Variants in BEGAIN observed in about 807,000 individuals in gnomAD.
BEGAIN encodes brain-enriched guanylate kinase-associated protein.
Under a neutral mutation model 35.8 loss-of-function variants are expected in BEGAIN, and 19 were observed. The ratio of observed to expected loss-of-function variants is 0.53; its 90% CI spans 0.37 to 0.78. The LOEUF (loss-of-function observed/expected upper bound fraction) is 0.78. Among genes scored for constraint, BEGAIN ranks in the 30% least tolerant of loss-of-function variants. The pLI is 0.00. For missense variants in BEGAIN, 795 were observed against 853.6 expected (o/e 0.93, Z 0.85); for synonymous variants, 462 against 388.6 (o/e 1.19, Z -2.22).
At position 100,537,854 on chromosome 14, in the gene BEGAIN, C is replaced by A. The variant is rs976457210; in HGVS notation, c.*115G>T. 1.4e-6 allele frequency: 2 copies of A among 1,417,136 alleles called. No individual in the cohort carries two copies. The highest frequency in any genetic ancestry group is 1.5e-5 in the African/African-American group (1 of 67,896). 87.8% of individuals were successfully genotyped at this position (1,417,136 alleles called of 1,614,324 possible). Reference sequence around the variant, plus strand: ...GAGGAGGTGCGGGGAGGAACAGACTCCTCGTTGTTGGCCGGGGCAGGGGAA... The same window carrying A: ...GAGGAGGTGCGGGGAGGAACAGACTACTCGTTGTTGGCCGGGGCAGGGGAA... On this transcript the variant is annotated 3_prime_UTR_variant, in exon 7 of 7. Transcript: ENST00000554140.
intron 2 of BEGAIN, among the ~76,000 whole-genome samples, chr14:100,561,194 G>A (rs895393086): frequency 3.9e-5 from 6 of 152,080 alleles, no homozygotes; most frequent in Admixed American, 1.3e-4. Context: ...AGCTGGCCCC[G>A]CCCCCAGCTC....
In BEGAIN at chr14:100,568,733, C is replaced by T. The variant is rs1216876525; in HGVS notation, c.43-794G>A. On this transcript the variant is annotated intron_variant, in intron 1 of 6. Coordinates refer to ENST00000554140, the MANE Select transcript of BEGAIN (RefSeq NM_001385089.1). This position sits in a 1 kb window ranked among gnomAD's most constrained non-coding sequence, Gnocchi z 7.5. ...GTGGGCGCGGGCGAGCGACGGGGAC[C>T]GCGAGCGGCCCGGGCGGGATCGCAC... is the stretch of plus-strand genomic sequence containing the variant. Among the ~76,000 whole-genome samples, 1 of 151,718 alleles carries T rather than the reference C, an allele frequency of 6.6e-6. No individual in the cohort carries two copies. The highest frequency in any genetic ancestry group is 1.5e-5 in the Non-Finnish European group (1 of 67,860).
At chr14:100,560,940 C>T (rs2034189402) in intron 2 of BEGAIN, among the ~76,000 whole-genome samples, 2 of 152,224 alleles carry the variant, frequency 1.3e-5, no homozygotes, top group Non-Finnish European at 2.9e-5. Flanking sequence ...GGTTGCTTTG[C>T]AGACACGGGG....
chr14:100,570,058 G>A (rs2035026196), intron 1 of BEGAIN, among the ~76,000 whole-genome samples: 1 of 152,150 alleles, frequency 6.6e-6, no homozygotes, highest in Non-Finnish European at 1.5e-5. Context: ...AAGGGGCCCA[G>A]CTGCGCCTGG....
chr14:100,544,775 G>C (rs1221759123), intron 4 of BEGAIN, among the ~76,000 whole-genome samples: 1 of 152,138 alleles, frequency 6.6e-6, no homozygotes, highest in African/African-American at 2.4e-5. Context: ...ACACCCCCAG[G>C]CTGGAGTGCT....
intron 2 of BEGAIN, among the ~76,000 whole-genome samples, chr14:100,561,036 TG>T (rs35515174): frequency 0.56 from 84,517 of 151,504 alleles, 26,407 homozygotes; most frequent in African/African-American, 0.85. Context: ...CTGTGGTAGT[TG>T]GGGGGTGGGG....
At chr14:100,583,051 C>A (rs1428402707) in intron 1 of BEGAIN, among the ~76,000 whole-genome samples, 1 of 150,838 alleles carries the variant, frequency 6.6e-6, no homozygotes, top group Non-Finnish European at 1.5e-5. Context: ...CAGGTGCCAT[C>A]CACGCACCAA....
In BEGAIN at chr14:100,539,158, C is replaced by T. The variant is rs1478258984; in HGVS notation, c.650G>A (p.Arg217His). 3.1e-6 allele frequency: 5 copies of T among 1,595,980 alleles called. No individual in the cohort carries two copies. The highest frequency in any genetic ancestry group is 2.2e-5 in the East Asian group (1 of 44,518). Reference protein sequence around the residue: ...EKPDPASLSSRLSDASARDLA... With the variant: ...EKPDPASLSSHLSDASARDLA... ...GTCGCGGGCGGAGGCATCGGACAGG[C>T]GGGAGGACAGGCTGGCGGGGTCCGG... The change falls in exon 7 of 7, where the codon CGC becomes CAC. Residue 217 changes from arginine to histidine, a missense_variant. Arg to His is a conservative substitution (Grantham distance 29). Transcript: ENST00000554140.
rs1282759682 is a variant in BEGAIN, at chr14:100,587,352, G to A, written c.-62C>T. On this transcript the variant is annotated 5_prime_UTR_variant, in exon 1 of 7. Transcript: ENST00000554140. ...GCTACCGCCGCCCCCTCCCCTCCGAGGCCGAGCGCGCCGGGAGCCGGCGCG... is the reference window on the plus strand; with the variant it reads ...GCTACCGCCGCCCCCTCCCCTCCGAAGCCGAGCGCGCCGGGAGCCGGCGCG... 2.7e-5 allele frequency: 4 copies of A among 146,566 alleles called. No individual in the cohort carries two copies. Among genetic ancestry groups the A allele is most frequent in the Non-Finnish European group, 6.1e-5 (4 of 65,626 alleles). 9.1% of individuals were successfully genotyped at this position (146,566 alleles called of 1,614,324 possible). A position where few individuals can be genotyped will look rare whatever the true frequency, so the allele number is the denominator to read the frequency against.
chr14:100,539,240 G>A lies in BEGAIN; in HGVS notation c.568C>T (p.His190Tyr). The A allele has an allele frequency of 6.3e-7, 1 of 1,588,874 alleles. No homozygotes were observed. The highest frequency in any genetic ancestry group is 8.6e-7 in the Non-Finnish European group (1 of 1,167,542). ...GGGACGCTGTCGGCGTAGGCCGGGT[G>A]GCAGAGCGGGGATGGCAGGCTGCAG... is the stretch of plus-strand genomic sequence containing the variant. ...HGCSLPSPLC[H>Y]PAYADSVPTC... The change falls in exon 7 of 7, where the codon CAC becomes TAC. Residue 190 changes from histidine to tyrosine, a missense_variant. Physicochemically the swap from His to Tyr is moderately conservative, Grantham distance 83. Transcript: ENST00000554140.
intron 2 of BEGAIN, among the ~76,000 whole-genome samples, chr14:100,551,883 G>A (rs1425649797): frequency 4.6e-5 from 7 of 152,158 alleles, no homozygotes; most frequent in Admixed American, 2.0e-4. Context: ...GAAGTGGGTC[G>A]GGGCGGTGGG....
chr14:100,580,912 G>C (rs1033543860), intron 1 of BEGAIN, among the ~76,000 whole-genome samples: 9 of 152,150 alleles, frequency 5.9e-5, no homozygotes, highest in African/African-American at 1.7e-4. Flanking sequence ...GAATATAGGG[G>C]AGGGATCTCA....
chr14:100,550,508 G>A, intron 2 of BEGAIN: 1 of 399,100 alleles, frequency 2.5e-6, no homozygotes, highest in Non-Finnish European at 4.4e-6. Context: ...GGGCTGCGCA[G>A]CCTGTGGGCA....
At chr14:100,546,221 G>T (rs2032353580) in intron 3 of BEGAIN, 1 of 213,126 alleles carries the variant, frequency 4.7e-6, no homozygotes, top group Admixed American at 5.4e-5. Context: ...TCCATAGTGT[G>T]ACTTTGGAGG....
rs1015608238 is a variant in BEGAIN, at chr14:100,586,082, C to T, written c.42+1167G>A. ...CAGAGCCACCCCCAACGGCCAGTTG[C>T]CCCTGCTGGCAAGACCAAGGCCAGC... On this transcript the variant is annotated intron_variant, in intron 1 of 6. Transcript: ENST00000554140. The surrounding 1 kb of genome is among the most constrained non-coding windows in gnomAD (Gnocchi z 4.9). Among the ~76,000 whole-genome samples the T allele has an allele frequency of 6.6e-6, 1 of 152,258 alleles. No homozygotes were observed. Among genetic ancestry groups the T allele is most frequent in the Non-Finnish European group, 1.5e-5 (1 of 68,042 alleles).
rs1335719062 is a variant in BEGAIN at position 100,538,423 on chromosome 14, C to T, written c.1385G>A (p.Ser462Asn). ...VSAAGRASPCSFSERYYGGAG... is the reference protein window; with the variant it reads ...VSAAGRASPCNFSERYYGGAG... Reference sequence around the variant, plus strand: ...CCCGCCGTAGTAGCGTTCAGAGAAGCTGCAGGGTGAGGCGCGGCCGGCAGC... The same window carrying T: ...CCCGCCGTAGTAGCGTTCAGAGAAGTTGCAGGGTGAGGCGCGGCCGGCAGC... Residue 462 changes from serine to asparagine, a missense_variant, in exon 7 of 7, where the codon AGC becomes AAC. Around this residue, in one of 3 missense-constraint regions of BEGAIN, gnomAD observed 664 missense variants for 647.7 expected, o/e 1.03. Coordinates refer to ENST00000554140, the MANE Select transcript of BEGAIN (RefSeq NM_001385089.1). The T allele has an allele frequency of 3.8e-6, 6 of 1,585,468 alleles. No individual in the cohort carries two copies. The East Asian group carries it at 1.1e-4, about 30-fold the overall frequency.
chr14:100,545,229 A>G, intron 3 of BEGAIN, 163 bp from the exon 4 acceptor site: 1 of 1,455,380 alleles, frequency 6.9e-7, no homozygotes, highest in East Asian at 2.5e-5. Flanking sequence ...CACACAGCAG[A>G]GAACATCCCA....
chr14:100,544,094 G>A (rs2032031061), intron 4 of BEGAIN, 129 bp from the exon 5 acceptor site: 2 of 657,708 alleles, frequency 3.0e-6, no homozygotes, highest in South Asian at 1.8e-5. Context: ...GGCCAAGGGT[G>A]TGGGGTTTAT....
At chr14:100,562,523 C>T (rs2034347742) in intron 2 of BEGAIN, among the ~76,000 whole-genome samples, 1 of 152,146 alleles carries the variant, frequency 6.6e-6, no homozygotes, top group Non-Finnish European at 1.5e-5. Context: ...TGCCCAATGC[C>T]CTGGAGTTGT....
Sources: allele counts gnomAD v4.1 joint callset (sites outside exome capture counted in the v4.1 genomes callset), GRCh38; gene constraint gnomAD v4.1.1; regional missense constraint gnomAD v4.1.1; non-coding constraint Gnocchi (gnomAD v3.1); transcripts MANE v1.5; gene names NCBI Gene and HGNC (gene_info 2026-07-23, HGNC 2026-07-21).